Variants in MACROD2 observed in about 807,000 individuals in gnomAD.
MACROD2 encodes mono-ADP ribosylhydrolase 2.
Under a neutral mutation model 70.4 loss-of-function variants are expected in MACROD2, and 36 were observed. That is an observed-to-expected ratio of 0.51 (90% confidence interval 0.39 to 0.68). MACROD2 has a LOEUF of 0.68. MACROD2 is among the 30% of genes least tolerant of loss of function. The pLI, the probability that MACROD2 is intolerant of heterozygous loss-of-function variation, is 0.00. For missense variants in MACROD2, 496 were observed against 538.4 expected (o/e 0.92, Z 0.78); for synonymous variants, 172 against 178.8 (o/e 0.96, Z 0.30).
At chr20:16,007,496 T>C (rs2066804673) in intron 15 of MACROD2, among the ~76,000 whole-genome samples, 1 of 152,180 alleles carries the variant, frequency 6.6e-6, no homozygotes, top group East Asian at 1.9e-4. Flanking sequence ...TTCTATAAGG[T>C]TTCTTATACA....
intron 5 of MACROD2, among the ~76,000 whole-genome samples, chr20:14,934,112 T>C (rs988168617): frequency 6.6e-6 from 1 of 152,136 alleles, no homozygotes; most frequent in Admixed American, 6.5e-5. Flanking sequence ...CATGCACTGG[T>C]GCCTCTTGCA....
chr20:14,612,359 G>A (rs1358189774), intron 4 of MACROD2, among the ~76,000 whole-genome samples: 1 of 152,046 alleles, frequency 6.6e-6, no homozygotes, highest in Non-Finnish European at 1.5e-5. Flanking sequence ...CAATATAGGT[G>A]GCTTCCCAAA....
chr20:15,737,743 C>T (rs1393877447), intron 8 of MACROD2, among the ~76,000 whole-genome samples: 1 of 152,096 alleles, frequency 6.6e-6, no homozygotes, highest in African/African-American at 2.4e-5. Flanking sequence ...ATGTCAACAC[C>T]TTAGATGAGA....
intron 5 of MACROD2, among the ~76,000 whole-genome samples, chr20:15,081,038 G>C (rs1268438125): frequency 6.6e-6 from 1 of 152,066 alleles, no homozygotes; most frequent in Non-Finnish European, 1.5e-5. Context: ...CCAGAGGCCA[G>C]GAGCTTTTTG....
At chr20:14,636,847 A>G (rs1984814179) in intron 4 of MACROD2, among the ~76,000 whole-genome samples, 1 of 152,198 alleles carries the variant, frequency 6.6e-6, no homozygotes, top group South Asian at 2.1e-4. Context: ...GAAGAAGGTC[A>G]AAATCAGGGT....
intron 13 of MACROD2, among the ~76,000 whole-genome samples, chr20:15,986,263 A>G (rs1167011498): frequency 6.6e-6 from 1 of 152,154 alleles, no homozygotes; most frequent in African/African-American, 2.4e-5. Flanking sequence ...TTATCCCCCC[A>G]GTTCCCTTGT....
intron 3 of MACROD2, among the ~76,000 whole-genome samples, chr20:14,290,673 C>T (rs1470249586): frequency 6.6e-6 from 1 of 152,172 alleles, no homozygotes; most frequent in Non-Finnish European, 1.5e-5. Flanking sequence ...CCACACCTGG[C>T]TAATTTTGTA....
chr20:14,268,916 A>G (rs189426553), intron 3 of MACROD2, among the ~76,000 whole-genome samples: 1 of 152,310 alleles, frequency 6.6e-6, no homozygotes, highest in Non-Finnish European at 1.5e-5. Flanking sequence ...GTAGATAAAT[A>G]TCAACATCAT....
At chr20:15,210,083 T>G (rs911177557) in intron 5 of MACROD2, among the ~76,000 whole-genome samples, 1 of 152,176 alleles carries the variant, frequency 6.6e-6, no homozygotes, top group East Asian at 1.9e-4. Context: ...GTAGTTCATC[T>G]CTCTCTCACT....
chr20:15,942,546 G>A lies in MACROD2; in HGVS notation c.907+5002G>A, dbSNP rs73900838. Among the ~76,000 whole-genome samples the A allele has an allele frequency of 9.8e-3, 1,498 of 152,244 alleles. 25 individuals carry two copies. The highest frequency in any genetic ancestry group is 0.034 in the African/African-American group (1,408 of 41,536). ...AAAATACTCTGTTGATTTAATGGTA[G>A]TTTGCACTTTAAATCCTTAAAAACA... On this transcript the variant is annotated intron_variant, in intron 12 of 17. Transcript: ENST00000684519.
intron 5 of MACROD2, among the ~76,000 whole-genome samples, chr20:14,796,945 A>T (rs150016450): frequency 3.9e-4 from 60 of 151,970 alleles, no homozygotes; most frequent in African/African-American, 1.1e-3. Flanking sequence ...GATATCTCAG[A>T]TCTAAGATGT....
At chr20:14,435,996 C>T (rs1382846680) in intron 3 of MACROD2, among the ~76,000 whole-genome samples, 2 of 152,104 alleles carry the variant, frequency 1.3e-5, no homozygotes, top group Non-Finnish European at 2.9e-5. Context: ...CATGAGCCAC[C>T]ATGCCTGGAT....
At chr20:15,603,576 G>A (rs2146693425) in intron 8 of MACROD2, among the ~76,000 whole-genome samples, 1 of 152,058 alleles carries the variant, frequency 6.6e-6, no homozygotes, top group Non-Finnish European at 1.5e-5. Flanking sequence ...AATCTGGATG[G>A]AGGAAAGAGG....
At chr20:15,737,295 G>A (rs1034878819) in intron 8 of MACROD2, among the ~76,000 whole-genome samples, 2 of 152,182 alleles carry the variant, frequency 1.3e-5, no homozygotes, top group Admixed American at 6.5e-5. Context: ...CTTAAGACAC[G>A]TCAGGAAATC....
At chr20:14,882,260 A>G (rs1264251206) in intron 5 of MACROD2, among the ~76,000 whole-genome samples, 1 of 152,188 alleles carries the variant, frequency 6.6e-6, no homozygotes, top group Non-Finnish European at 1.5e-5. Context: ...GACATGAATG[A>G]ATGATGCTTT....
chr20:14,422,448 GTTAT>G (rs1333483107), intron 3 of MACROD2, among the ~76,000 whole-genome samples: 1 of 152,068 alleles, frequency 6.6e-6, no homozygotes, highest in Non-Finnish European at 1.5e-5. Context: ...TCTGCCATTT[GTTAT>G]TTGTTTTCTT....
chr20:15,541,022 G>A (rs947790069), intron 8 of MACROD2, among the ~76,000 whole-genome samples: 1 of 152,212 alleles, frequency 6.6e-6, no homozygotes, highest in African/African-American at 2.4e-5. Flanking sequence ...CTGAGGTACT[G>A]TGGTTTAGGT....
chr20:14,354,439 C>A (rs555507450), intron 3 of MACROD2, among the ~76,000 whole-genome samples: 2 of 151,530 alleles, frequency 1.3e-5, no homozygotes, highest in South Asian at 4.2e-4. Flanking sequence ...GGTTTTTTTT[C>A]TATTTCTTAT....
At chr20:15,447,055 T>TGTGTGTGC (rs2046576662) in intron 7 of MACROD2, among the ~76,000 whole-genome samples, 1 of 63,944 alleles carries the variant, frequency 1.6e-5, no homozygotes, top group Non-Finnish European at 4.2e-5. Flanking sequence ...AGTGTGCGTG[T>TGTGTGTGC]GTGTGTGTGT....
Sources: gnomAD v4.1 joint callset for allele counts (sites outside exome capture counted in the v4.1 genomes callset) on GRCh38, gnomAD v4.1.1 for gene constraint, MANE v1.5 for transcripts, NCBI Gene and HGNC (gene_info 2026-07-23, HGNC 2026-07-21) for gene names.